Variants in NPIPB11 observed in about 807,000 individuals in gnomAD.
NPIPB11 encodes nuclear pore complex interacting protein family member B11, also known as nuclear pore complex-interacting protein family member B11.
NPIPB11 carries 17 observed loss-of-function variants against 32.8 expected under a neutral mutation model. The observed-to-expected ratio is 0.52, with a 90% confidence interval of 0.35 to 0.78. The LOEUF is 0.78. Among genes scored for constraint, NPIPB11 ranks in the 30% least tolerant of loss-of-function variants. NPIPB11 has a pLI of 0.01. For synonymous variants in NPIPB11, 209 were observed against 398.4 expected (o/e 0.52, Z 5.66); for missense variants, 537 against 1,000.4 (o/e 0.54, Z 6.25).
In NPIPB11 at chr16:29,397,624, G is replaced by A. The variant is rs541520060; in HGVS notation, c.121-3548C>T. ...AGGAGCCCAAAGAGGAGCCAAAAGA[G>A]CATCCACCGCCCCCGCATGTCCTGG... On this transcript the variant is annotated intron_variant, in intron 2 of 7. Coordinates refer to ENST00000524087, the Ensembl canonical transcript of NPIPB11. 6.8e-6 allele frequency: 10 copies of A among 1,464,780 alleles called. No individual in the cohort carries two copies. The Admixed American group carries it at 1.2e-4, about 17-fold the overall frequency. The allele number at this position is 1,464,780 out of a possible 1,614,324, so 90.7% of individuals were successfully genotyped here.
intron 2 of NPIPB11, among the ~76,000 whole-genome samples, chr16:29,402,504 C>A (rs1212144538): frequency 1.1e-5 from 1 of 93,100 alleles, no homozygotes; most frequent in Non-Finnish European, 2.0e-5. Flanking sequence ...GGAGTTGACA[C>A]GAGCCTGGCC....
intron 2 of NPIPB11, among the ~76,000 whole-genome samples, chr16:29,400,951 C>G (rs889178317): frequency 4.6e-5 from 7 of 152,126 alleles, no homozygotes; most frequent in African/African-American, 1.7e-4. Context: ...TTGCCTCATG[C>G]TCCGGCAGGG....
At chr16:29,406,641 G>A (rs563865580), upstream of NPIPB11, among the ~76,000 whole-genome samples, 81 of 152,296 alleles carry the variant, frequency 5.3e-4, no homozygotes, top group Non-Finnish European at 1.0e-3. Context: ...TTGAACCCAG[G>A]AGGCGGAGGT....
chr16:29,382,232 A>C, exon 8 of NPIPB11: 1 of 1,588,480 alleles, frequency 6.3e-7, no homozygotes, highest in Non-Finnish European at 8.5e-7. Context: ...GACGTTTGGA[A>C]GGTGTCTTGA....
intron 2 of NPIPB11, among the ~76,000 whole-genome samples, chr16:29,402,900 A>G (rs1251314003): frequency 1.5e-5 from 2 of 135,646 alleles, no homozygotes; most frequent in Non-Finnish European, 3.1e-5. Flanking sequence ...CATTCAAAAC[A>G]AATGAAGGAG....
chr16:29,382,305 T>A, exon 8 of NPIPB11: 1 of 1,587,348 alleles, frequency 6.3e-7, no homozygotes, highest in Non-Finnish European at 8.5e-7. Flanking sequence ...GCTCGGCAGG[T>A]GTCTTGATAT....
At chr16:29,391,365 C>T (rs1963718993) in intron 3 of NPIPB11, among the ~76,000 whole-genome samples, 1 of 148,232 alleles carries the variant, frequency 6.7e-6, no homozygotes, top group South Asian at 2.2e-4. Context: ...TATTTTACCA[C>T]AGGTTAACAT....
chr16:29,392,624 C>T lies in NPIPB11; in HGVS notation c.249+1324G>A, dbSNP rs1382567174. Among the ~76,000 whole-genome samples, 20 of 151,402 alleles carry T rather than the reference C, an allele frequency of 1.3e-4. 1 individual carries two copies. The highest frequency in any genetic ancestry group is 3.4e-3 in the Middle Eastern group (1 of 294). ...ACTTGAGAGGCTGAGGCAGGGGAAT[C>T]GCTTGAAGCCAGGAGGTGGAGGTTG... On this transcript the variant is annotated intron_variant, in intron 3 of 7. Transcript: ENST00000524087.
upstream of NPIPB11, among the ~76,000 whole-genome samples, chr16:29,404,561 C>A (rs1260742233): frequency 9.4e-6 from 1 of 106,796 alleles, no homozygotes; most frequent in African/African-American, 3.7e-5. Flanking sequence ...ACAGATGAGG[C>A]CACAGTGCAA....
chr16:29,389,887 A>T lies in NPIPB11; in HGVS notation c.545+54T>A, dbSNP rs990559451. 3 of 1,566,382 alleles carry T rather than the reference A, an allele frequency of 1.9e-6. No individual in the cohort carries two copies. In the African/African-American group the frequency reaches 4.1e-5, roughly 22 times the overall value. ...ATTCTCAAGGACTTTACAGTTGTCT[A>T]CTTTGATTGGCACATGGTTCCTACA... On this transcript the variant is annotated intron_variant, in intron 5 of 7. Coordinates refer to ENST00000524087, the Ensembl canonical transcript of NPIPB11.
At chr16:29,394,704 T>G (rs1169419672) in intron 2 of NPIPB11, among the ~76,000 whole-genome samples, 2 of 152,064 alleles carry the variant, frequency 1.3e-5, no homozygotes, top group Admixed American at 1.3e-4. Context: ...AGTGCTGGGA[T>G]TACAGGTGTG....
intron 5 of NPIPB11, 91 bp downstream of exon 5, chr16:29,389,850 A>T: frequency 6.4e-7 from 1 of 1,568,546 alleles, no homozygotes; most frequent in Non-Finnish European, 8.6e-7. Flanking sequence ...TGCCACAAAT[A>T]TTGTAGAAAA....
chr16:29,397,446 A>C (rs1161479713), intron 2 of NPIPB11: 4 of 1,043,234 alleles, frequency 3.8e-6, no homozygotes, highest in Non-Finnish European at 4.0e-6. Context: ...CCTGGACTCA[A>C]GTGATCTGCC....
At chr16:29,392,047 G>C (rs142229055) in intron 3 of NPIPB11, among the ~76,000 whole-genome samples, 73 of 151,974 alleles carry the variant, frequency 4.8e-4, no homozygotes, top group African/African-American at 1.6e-3. Context: ...ATTCTTTGTA[G>C]AATTTGTTTT....
At chr16:29,396,766 AT>A (rs1306864951) in intron 2 of NPIPB11, among the ~76,000 whole-genome samples, 2 of 150,638 alleles carry the variant, frequency 1.3e-5, no homozygotes, top group Non-Finnish European at 3.0e-5. Context: ...TCTCAAAAAA[AT>A]AAATAAATAA....
At chr16:29,406,256 A>T (rs1964110712), upstream of NPIPB11, among the ~76,000 whole-genome samples, 1 of 152,268 alleles carries the variant, frequency 6.6e-6, no homozygotes, top group Non-Finnish European at 1.5e-5. Flanking sequence ...GCGATACTGC[A>T]TGGGAGGGCA....
At chr16:29,400,199 T>C (rs1042203560) in intron 2 of NPIPB11, among the ~76,000 whole-genome samples, 3 of 147,702 alleles carry the variant, frequency 2.0e-5, no homozygotes, top group Non-Finnish European at 4.5e-5. Context: ...ATAATGTCCA[T>C]GAAGGGTTGC....
chr16:29,389,218 G>C (rs959125407), intron 5 of NPIPB11, among the ~76,000 whole-genome samples: 1 of 103,948 alleles, frequency 9.6e-6, no homozygotes, highest in South Asian at 3.2e-4. Context: ...AAAAAAAATT[G>C]GTCAAATGTG....
chr16:29,404,765 G>A (rs1021007941), upstream of NPIPB11, among the ~76,000 whole-genome samples: 8 of 148,600 alleles, frequency 5.4e-5, no homozygotes, highest in African/African-American at 7.5e-5. Flanking sequence ...GCTGGGTGAT[G>A]CCAGGGCAGT....
Sources: gnomAD v4.1 joint callset for allele counts (sites outside exome capture counted in the v4.1 genomes callset) on GRCh38, gnomAD v4.1.1 for gene constraint, MANE v1.5 for transcripts, NCBI Gene and HGNC (gene_info 2026-07-23, HGNC 2026-07-21) for gene names.